ATP8B4: variants seen among roughly 807,000 people sequenced by gnomAD.
ATP8B4 encodes the protein probable phospholipid-transporting ATPase IM.
A neutral mutation model predicts 145.6 loss-of-function variants in ATP8B4; 133 were observed. That is an observed-to-expected ratio of 0.91 (90% CI 0.79 to 1.05). The LOEUF is 1.05. Ranked by LOEUF, ATP8B4 falls within the 50% of genes least tolerant of loss-of-function variation. The pLI is 0.00. For synonymous variants in ATP8B4, 507 were observed against 492.9 expected, an observed-to-expected ratio of 1.03 and a Z score of -0.38; for missense variants, 1,458 against 1,425.2, an observed-to-expected ratio of 1.02 and a Z score of -0.37.
At chr15:49,983,017 C>T (rs1200988583) in intron 10 of ATP8B4, among the ~76,000 whole-genome samples, 2 of 152,088 alleles carry the variant, frequency 1.3e-5, no homozygotes, top group African/African-American at 4.8e-5. Context: ...TTCCATGATA[C>T]TTACTCTCCC....
chr15:50,023,357 T>C (rs1714061562), intron 6 of ATP8B4, among the ~76,000 whole-genome samples: 1 of 152,210 alleles, frequency 6.6e-6, no homozygotes, highest in Non-Finnish European at 1.5e-5. Flanking sequence ...TACATTTGGG[T>C]AAAACTTTTA....
intron 1 of ATP8B4, among the ~76,000 whole-genome samples, chr15:50,160,015 CTTTTTTTTTT>C (rs35773416): frequency 5.0e-5 from 1 of 20,080 alleles, no homozygotes; most frequent in Non-Finnish European, 8.4e-5. Context: ...CAGGTCCTGG[CTTTTTTTTTT>C]TTTTTTTTTT....
intron 6 of ATP8B4, among the ~76,000 whole-genome samples, chr15:50,035,214 T>TA: frequency 6.6e-6 from 1 of 152,284 alleles, no homozygotes; most frequent in Middle Eastern, 3.4e-3. Context: ...TCCATAATTA[T>TA]ATTGTGGCTG....
At chr15:50,133,486 G>C (rs2044076794) in intron 1 of ATP8B4, among the ~76,000 whole-genome samples, 1 of 152,068 alleles carries the variant, frequency 6.6e-6, no homozygotes, top group Non-Finnish European at 1.5e-5. Flanking sequence ...TCAGGAGGCT[G>C]AGTAGCTACT....
At chr15:49,889,716 T>C (rs577973727) in intron 23 of ATP8B4, among the ~76,000 whole-genome samples, 2 of 152,312 alleles carry the variant, frequency 1.3e-5, no homozygotes, top group East Asian at 3.9e-4. Context: ...CAGATAATAA[T>C]TGCCTGGATA....
chr15:49,935,978 C>G (rs2041701629), intron 14 of ATP8B4, among the ~76,000 whole-genome samples: 1 of 152,108 alleles, frequency 6.6e-6, no homozygotes, highest in Admixed American at 6.6e-5. Context: ...CTTCACTTCT[C>G]CCTCCAACCT....
chr15:49,897,430 A>G lies in ATP8B4; in HGVS notation c.2559T>C (p.Tyr853=). 6.2e-7 allele frequency: 1 copy of G among 1,612,948 alleles called. No individual in the cohort carries two copies. The highest frequency in any genetic ancestry group is 8.5e-7 in the Non-Finnish European group (1 of 1,179,526). The change falls in exon 23 of 28, where the codon TAT becomes TAC. Residue 853 remains tyrosine (Y), a synonymous_variant. Transcript: ENST00000284509. ...CATGAACAAGGAGAAGCCTTTGGAG[A>G]TATCTAAACTGTGCAAATGAATAGT... ...ASDYSFAQFR[Y]LQRLLLVHGR...
intron 6 of ATP8B4, among the ~76,000 whole-genome samples, chr15:50,021,121 T>TAGATAGAC (rs2049520523): frequency 1.6e-5 from 1 of 63,864 alleles, no homozygotes; most frequent in South Asian, 6.2e-4. Context: ...GTGATTATGA[T>TAGATAGAC]AGATAGATAG....
In ATP8B4 at chr15:50,019,076, ACT is replaced by A. The variant is rs920994424; in HGVS notation, c.363-8161_363-8160del. ...AAAAACCAGGAAATTTTATAGTAAG[ACT>A]CTGTCCCTGTCCTTTGAGGATGACT... is the stretch of plus-strand genomic sequence containing the variant. On this transcript the variant is annotated intron_variant, in intron 6 of 27. Transcript: ENST00000284509. The A allele has an allele frequency of 2.8e-5, 16 of 567,890 alleles. 1 individual carries two copies. In the East Asian group the frequency reaches 1.1e-3, roughly 39 times the overall value. The allele number at this position is 567,890 out of a possible 1,614,324, so 35.2% of individuals were successfully genotyped here.
At position 49,917,246 on chromosome 15, in the gene ATP8B4, C is replaced by G. The variant is rs79180360; in HGVS notation, c.2036-207G>C. The stretch of plus-strand genomic sequence containing the variant: ...AGGATCAAATTCCCTACTTGCTAAA[C>G]CCATGCACAAGTAGCAACACTAACG... On this transcript the variant is annotated intron_variant, in intron 19 of 27. Coordinates refer to ENST00000284509, the MANE Select transcript of ATP8B4 (RefSeq NM_024837.4). The G allele has an allele frequency of 1.7e-3, 893 of 511,628 alleles. 8 individuals are homozygous for G. Among genetic ancestry groups the G allele is most frequent in the African/African-American group, 0.016 (837 of 51,838 alleles). The allele number at this position is 511,628 out of a possible 1,614,324, so 31.7% of individuals were successfully genotyped here.
intron 9 of ATP8B4, among the ~76,000 whole-genome samples, chr15:49,990,042 AT>A (rs1764997599): frequency 6.6e-6 from 1 of 152,200 alleles, no homozygotes; most frequent in Non-Finnish European, 1.5e-5. Flanking sequence ...AAGTGGGTAT[AT>A]TTCCATGATA....
At chr15:49,877,598 C>T (rs1400763250) in intron 24 of ATP8B4, among the ~76,000 whole-genome samples, 3 of 152,090 alleles carry the variant, frequency 2.0e-5, no homozygotes, top group South Asian at 4.1e-4. Flanking sequence ...GGGTTATGTG[C>T]GCAGGCTTTG....
At chr15:49,925,730 T>A (rs1394754523) in intron 16 of ATP8B4, among the ~76,000 whole-genome samples, 1 of 152,332 alleles carries the variant, frequency 6.6e-6, no homozygotes, top group Non-Finnish European at 1.5e-5. Flanking sequence ...ATTTGTCCCT[T>A]TAAATTTGAT....
intron 1 of ATP8B4, among the ~76,000 whole-genome samples, chr15:50,133,455 T>A (rs1056443808): frequency 5.3e-5 from 8 of 151,488 alleles, no homozygotes; most frequent in Non-Finnish European, 1.2e-4. Flanking sequence ...CGTGGTGGCA[T>A]GTGCCTGTAG....
At chr15:50,041,004 T>A (rs2051237580) in intron 5 of ATP8B4, among the ~76,000 whole-genome samples, 1 of 152,224 alleles carries the variant, frequency 6.6e-6, no homozygotes, top group Non-Finnish European at 1.5e-5. Context: ...ATTTGAGAAG[T>A]TAAGTCATTT....
chr15:49,943,026 TA>T lies in ATP8B4; in HGVS notation c.1288-8845del, dbSNP rs551335137. ...TTTACAAATATCAACAAAAAGACTT[TA>T]AAAAAATTTTTAAAAACAAATTTTG... On this transcript the variant is annotated intron_variant, in intron 14 of 27. Transcript: ENST00000284509. 6.8e-4 allele frequency among the ~76,000 whole-genome samples: 103 copies of T among 152,128 alleles called. 1 individual carries two copies. The highest frequency in any genetic ancestry group is 1.8e-3 in the African/African-American group (74 of 41,510).
At chr15:49,889,703 C>T (rs1288899357) in intron 23 of ATP8B4, among the ~76,000 whole-genome samples, 2 of 152,232 alleles carry the variant, frequency 1.3e-5, no homozygotes, top group African/African-American at 4.8e-5. Context: ...CTGGAGCTCT[C>T]ATCAGATAAT....
chr15:49,886,484 AT>A (rs1419777324), intron 23 of ATP8B4, among the ~76,000 whole-genome samples: 1 of 152,214 alleles, frequency 6.6e-6, no homozygotes, highest in African/African-American at 2.4e-5. Context: ...GTACATTTTC[AT>A]GCTAATCATA....
At chr15:49,932,944 A>G (rs991337786) in intron 15 of ATP8B4, among the ~76,000 whole-genome samples, 1 of 152,084 alleles carries the variant, frequency 6.6e-6, no homozygotes, top group African/African-American at 2.4e-5. Flanking sequence ...ATTTATAACC[A>G]ATCACTGACT....
Sources: allele counts gnomAD v4.1 joint callset (sites outside exome capture counted in the v4.1 genomes callset), GRCh38; gene constraint gnomAD v4.1.1; transcripts MANE v1.5; gene names NCBI Gene and HGNC (gene_info 2026-07-23, HGNC 2026-07-21).